The following GALNTL6 variants were observed in gnomAD, a reference collection of about 807,000 sequenced individuals.
GALNTL6 encodes the protein polypeptide N-acetylgalactosaminyltransferase like 6.
Under a neutral mutation model 73.7 loss-of-function variants are expected in GALNTL6, and 46 were observed. That is an observed-to-expected ratio of 0.62 (90% confidence interval 0.49 to 0.80). The LOEUF (loss-of-function observed/expected upper bound fraction) is 0.80. Among genes scored for constraint, GALNTL6 ranks in the 30% least tolerant of loss-of-function variants. The pLI is 0.00. For missense variants in GALNTL6, 604 were observed against 755.0 expected, an observed-to-expected ratio of 0.80 and a Z score of 2.34; for synonymous variants, 259 against 263.7, an observed-to-expected ratio of 0.98 and a Z score of 0.17.
chr4:172,532,538 C>T (rs1261305632), intron 5 of GALNTL6, among the ~76,000 whole-genome samples: 1 of 152,164 alleles, frequency 6.6e-6, no homozygotes, highest in African/African-American at 2.4e-5. Context: ...CACAGGAAAA[C>T]TAGTACAGGT....
chr4:172,651,678 C>T (rs916694523), intron 5 of GALNTL6, among the ~76,000 whole-genome samples: 1 of 152,104 alleles, frequency 6.6e-6, no homozygotes, highest in Non-Finnish European at 1.5e-5. Flanking sequence ...ATTTTATATG[C>T]AAAAGATAAA....
At chr4:172,846,746 T>A (rs1224829056) in intron 7 of GALNTL6, among the ~76,000 whole-genome samples, 1 of 152,192 alleles carries the variant, frequency 6.6e-6, no homozygotes, top group African/African-American at 2.4e-5. Context: ...ACCACAATAA[T>A]GTATTTGTTG....
chr4:172,964,575 G>A (rs1210437252), intron 10 of GALNTL6, among the ~76,000 whole-genome samples: 1 of 152,112 alleles, frequency 6.6e-6, no homozygotes, highest in Admixed American at 6.5e-5. Context: ...CCGAATTGTG[G>A]AACATTCACA....
chr4:172,579,052 A>T (rs1737065751), intron 5 of GALNTL6, among the ~76,000 whole-genome samples: 1 of 152,204 alleles, frequency 6.6e-6, no homozygotes, highest in Non-Finnish European at 1.5e-5. Context: ...GTGAAAACTA[A>T]CAACTGGCAT....
intron 3 of GALNTL6, among the ~76,000 whole-genome samples, chr4:172,280,152 C>G (rs1035589278): frequency 6.6e-5 from 10 of 152,172 alleles, no homozygotes; most frequent in Non-Finnish European, 1.3e-4. Context: ...CTTTTGAGCT[C>G]TGTTGTGCAA....
chr4:172,593,095 T>G (rs940462834), intron 5 of GALNTL6, among the ~76,000 whole-genome samples: 1 of 152,188 alleles, frequency 6.6e-6, no homozygotes, highest in African/African-American at 2.4e-5. Flanking sequence ...GCTGTTTATA[T>G]TCTAAAAAAC....
intron 3 of GALNTL6, among the ~76,000 whole-genome samples, chr4:172,270,014 G>A (rs1051855988): frequency 6.6e-6 from 1 of 152,134 alleles, no homozygotes; most frequent in Non-Finnish European, 1.5e-5. Flanking sequence ...GGGATTACAG[G>A]TATGAGCCAC....
At chr4:172,098,632 C>T (rs1422434104) in intron 2 of GALNTL6, among the ~76,000 whole-genome samples, 1 of 152,104 alleles carries the variant, frequency 6.6e-6, no homozygotes, top group Non-Finnish European at 1.5e-5. Flanking sequence ...ACTGTGACAG[C>T]ATGGAGGGTT....
intron 2 of GALNTL6, among the ~76,000 whole-genome samples, chr4:171,923,828 T>TGTGTGTGTGTGTGTGTGTG (rs1737882530): frequency 3.3e-5 from 2 of 60,828 alleles, no homozygotes; most frequent in East Asian, 1.3e-3. Context: ...GTGTGTGTGT[T>TGTGTGTGTGTGTGTGTGTG]TGAAGTTCTT....
At chr4:171,937,435 G>A (rs1156536651) in intron 2 of GALNTL6, among the ~76,000 whole-genome samples, 1 of 152,076 alleles carries the variant, frequency 6.6e-6, no homozygotes, top group African/African-American at 2.4e-5. Context: ...TAGATTTTTA[G>A]AAAAGTATAC....
Position 172,069,452 on chromosome 4 carries a change from T to C in GALNTL6, c.139-160204T>C, listed in dbSNP as rs1170561677. Among the ~76,000 whole-genome samples the C allele has an allele frequency of 5.0e-5, 4 of 79,956 alleles. 2 individuals are homozygous for C. Among genetic ancestry groups the C allele is most frequent in the African/African-American group, 1.7e-4 (4 of 23,032 alleles). The allele number at this position is 79,956 out of a possible 152,430, so 52.5% of individuals were successfully genotyped here. A position where few individuals can be genotyped will look rare whatever the true frequency, so the allele number is the denominator to read the frequency against. ...ACACATATAACATATATATGTAATA[T>C]ATAACACACATATAACATATATGTT... On this transcript the variant is annotated intron_variant, in intron 2 of 12. Transcript: ENST00000506823.
chr4:172,290,505 C>G (rs1484003632), intron 3 of GALNTL6, among the ~76,000 whole-genome samples: 3 of 152,098 alleles, frequency 2.0e-5, no homozygotes, highest in African/African-American at 7.2e-5. Context: ...CCTTAATGAT[C>G]TTATAGCTTA....
chr4:172,642,272 C>T (rs1238435354), intron 5 of GALNTL6, among the ~76,000 whole-genome samples: 2 of 151,992 alleles, frequency 1.3e-5, no homozygotes. Flanking sequence ...GAGATATCTG[C>T]ACTTCCATAT....
chr4:172,608,615 T>A (rs1358544670), intron 5 of GALNTL6, among the ~76,000 whole-genome samples: 1 of 151,734 alleles, frequency 6.6e-6, no homozygotes, highest in Non-Finnish European at 1.5e-5. Context: ...CTATTTGGGA[T>A]TTTTCTCTTT....
chr4:172,145,293 C>G (rs994856092), intron 2 of GALNTL6, among the ~76,000 whole-genome samples: 2 of 152,134 alleles, frequency 1.3e-5, no homozygotes, highest in African/African-American at 4.8e-5. Flanking sequence ...GCGCCCGCCA[C>G]TACGCCCAGC....
chr4:172,047,017 T>A (rs1461108671), intron 2 of GALNTL6, among the ~76,000 whole-genome samples: 1 of 152,184 alleles, frequency 6.6e-6, no homozygotes, highest in Non-Finnish European at 1.5e-5. Flanking sequence ...TTCTATATTC[T>A]GAGATTTTCT....
At chr4:172,313,643 A>G (rs954731640) in intron 4 of GALNTL6, among the ~76,000 whole-genome samples, 8 of 152,220 alleles carry the variant, frequency 5.3e-5, no homozygotes, top group Non-Finnish European at 1.0e-4. Flanking sequence ...AATTTTTATT[A>G]GGGTTACTCA....
chr4:171,927,432 T>G (rs893235601), intron 2 of GALNTL6, among the ~76,000 whole-genome samples: 3 of 152,182 alleles, frequency 2.0e-5, no homozygotes, highest in African/African-American at 7.2e-5. Context: ...CTATAGATTT[T>G]GTGTTTTTCA....
chr4:171,866,513 G>A (rs764292052), intron 2 of GALNTL6, among the ~76,000 whole-genome samples: 36 of 152,060 alleles, frequency 2.4e-4, no homozygotes, highest in Non-Finnish European at 3.5e-4. Context: ...TCAAATAGTC[G>A]ATTGTATGAC....
Sources: allele counts gnomAD v4.1 joint callset (sites outside exome capture counted in the v4.1 genomes callset), GRCh38; gene constraint gnomAD v4.1.1; transcripts MANE v1.5; gene names NCBI Gene and HGNC (gene_info 2026-07-23, HGNC 2026-07-21).